Variants in KLHDC4 observed in about 807,000 individuals in gnomAD.
KLHDC4 encodes the protein kelch domain containing 4, also known as kelch domain-containing protein 4.
Under a neutral mutation model 62.4 loss-of-function variants are expected in KLHDC4, and 90 were observed. The observed-to-expected ratio is 1.44, with a 90% CI of 1.22 to 1.72. The LOEUF is 1.72. Ranked by LOEUF, KLHDC4 falls within the 40% of genes most tolerant of loss-of-function variation. KLHDC4 has a pLI of 0.00. For missense variants in KLHDC4, 1,025 were observed against 699.7 expected (o/e 1.47, Z -5.25); for synonymous variants, 386 against 284.4 (o/e 1.36, Z -3.59).
At chr16:87,724,660 A>G (rs891319813) in intron 7 of KLHDC4, among the ~76,000 whole-genome samples, 8 of 152,340 alleles carry the variant, frequency 5.3e-5, no homozygotes, top group African/African-American at 1.9e-4. Context: ...GCAGCTAAAA[A>G]CAGAAAGACT....
chr16:87,737,498 G>C (rs1053900985), intron 5 of KLHDC4, among the ~76,000 whole-genome samples: 2 of 152,004 alleles, frequency 1.3e-5, no homozygotes, highest in Non-Finnish European at 2.9e-5. Flanking sequence ...TGAGGCAAGA[G>C]AATCACTTGA....
At chr16:87,731,516 G>A (rs1034540958) in intron 5 of KLHDC4, among the ~76,000 whole-genome samples, 1 of 152,000 alleles carries the variant, frequency 6.6e-6, no homozygotes, top group Non-Finnish European at 1.5e-5. Context: ...AACATCACGA[G>A]CGGTCAGGGA....
chr16:87,743,992 T>C (rs568064907), intron 5 of KLHDC4, among the ~76,000 whole-genome samples: 88 of 149,434 alleles, frequency 5.9e-4, no homozygotes, highest in Middle Eastern at 3.8e-3. Context: ...ACATTAGAAT[T>C]TGAGGGCCAG....
intron 5 of KLHDC4, among the ~76,000 whole-genome samples, chr16:87,732,050 G>A (rs1269788890): frequency 2.0e-5 from 3 of 152,066 alleles, no homozygotes; most frequent in African/African-American, 7.2e-5. Context: ...GGGGTGACAA[G>A]GGCCTACATC....
chr16:87,759,995 G>A (rs1403029435), intron 2 of KLHDC4, among the ~76,000 whole-genome samples: 1 of 152,066 alleles, frequency 6.6e-6, no homozygotes, highest in Non-Finnish European at 1.5e-5. Flanking sequence ...CAATCCTGAC[G>A]ATATGCTCAT....
At chr16:87,714,610 G>A (rs1271905569) in intron 7 of KLHDC4, 37 bp from the exon 8 acceptor site, 4 of 1,610,276 alleles carry the variant, frequency 2.5e-6, no homozygotes, top group Non-Finnish European at 3.4e-6. Flanking sequence ...ACCGGGGGCA[G>A]CTACAGTGGT....
chr16:87,730,861 G>A (rs773180467), intron 5 of KLHDC4: 3 of 473,556 alleles, frequency 6.3e-6, no homozygotes, highest in African/African-American at 2.0e-5. Context: ...AATAAAACAG[G>A]AGAACATCTC....
chr16:87,751,928 A>T (rs77594833), intron 4 of KLHDC4, among the ~76,000 whole-genome samples: 2 of 150,840 alleles, frequency 1.3e-5, no homozygotes, highest in African/African-American at 2.4e-5. Flanking sequence ...TAAAAAAATT[A>T]GCCAGGCACG....
intron 7 of KLHDC4, among the ~76,000 whole-genome samples, chr16:87,725,906 CAG>C (rs1307380460): frequency 1.3e-5 from 2 of 152,126 alleles, no homozygotes; most frequent in East Asian, 1.9e-4. Context: ...TTTCATTCCA[CAG>C]AGACTACTAC....
chr16:87,704,548 C>T (rs1258341365), downstream of KLHDC4, among the ~76,000 whole-genome samples: 1 of 126,482 alleles, frequency 7.9e-6, no homozygotes, highest in South Asian at 2.8e-4. Context: ...GGGTCCTGAA[C>T]GTCACGGGGA....
intron 10 of KLHDC4, 72 bp from the exon 11 acceptor site, chr16:87,708,538 G>A: frequency 8.9e-7 from 1 of 1,126,498 alleles, no homozygotes; most frequent in Non-Finnish European, 1.3e-6. Flanking sequence ...CGGGACGGTG[G>A]TGGCTACGTC....
At chr16:87,744,284 G>A (rs547495512) in intron 5 of KLHDC4, among the ~76,000 whole-genome samples, 32 of 152,150 alleles carry the variant, frequency 2.1e-4, no homozygotes, top group African/African-American at 5.1e-4. Context: ...GCATGGTGGC[G>A]GGCATCTGTA....
At chr16:87,703,781 T>A (rs948884928), downstream of KLHDC4, among the ~76,000 whole-genome samples, 15 of 152,320 alleles carry the variant, frequency 9.8e-5, no homozygotes, top group South Asian at 1.2e-3. Context: ...TGACAGTGTG[T>A]CAGCTTCCGG....
At chr16:87,753,100 T>C (rs2044282124) in intron 4 of KLHDC4, among the ~76,000 whole-genome samples, 1 of 152,102 alleles carries the variant, frequency 6.6e-6, no homozygotes, top group South Asian at 2.1e-4. Context: ...AGACAAGGAC[T>C]GGAGTTCAGG....
At position 87,732,548 on chromosome 16, in the gene KLHDC4, C is replaced by CA. The variant is rs1393996788; in HGVS notation, c.507-1905dup. Among the ~76,000 whole-genome samples, 3 of 152,088 alleles carry CA rather than the reference C, an allele frequency of 2.0e-5. No individual in the cohort carries two copies. The South Asian group carries it at 6.2e-4, about 32-fold the overall frequency. Reference sequence around the variant, plus strand: ...GCAAATTTAAAACCTTAAAAATACACACAAATAATACAATCACACACAAAT... The same window carrying CA: ...GCAAATTTAAAACCTTAAAAATACACAACAAATAATACAATCACACACAAAT... On this transcript the variant is annotated intron_variant, in intron 5 of 11. Transcript: ENST00000270583.
rs180865966 is a variant in KLHDC4, at chr16:87,751,254, T to C, written c.370-2445A>G. 1.1e-4 allele frequency among the ~76,000 whole-genome samples: 16 copies of C among 152,236 alleles called. No individual in the cohort carries two copies. The East Asian group carries it at 3.1e-3, about 29-fold the overall frequency. Reference sequence around the variant, plus strand: ...GCTTTGGGAGGCCGAGGGAGGTAGATCATGAGGTCAGGAGTTTGAGACCAG... The same window carrying C: ...GCTTTGGGAGGCCGAGGGAGGTAGACCATGAGGTCAGGAGTTTGAGACCAG... On this transcript the variant is annotated intron_variant, in intron 4 of 11. Transcript: ENST00000270583.
At chr16:87,765,071 C>CA (rs1567854555) in intron 1 of KLHDC4, 1 of 454,950 alleles carries the variant, frequency 2.2e-6, no homozygotes, top group Admixed American at 2.4e-5. Context: ...CTGACCTGCT[C>CA]GTGAGGAGTA....
rs201406896 is a variant in KLHDC4 at position 87,730,589 on chromosome 16, G to A, written c.562C>T (p.Gln188Ter). ...SGHRMVAWKR[Q>*]LILFGGFHES... Reference sequence around the variant, plus strand: ...TGGAAGCCACCAAACAGGATCAATTGTCTCTTCCAGGCCACCATCCGATGT... The same window carrying A: ...TGGAAGCCACCAAACAGGATCAATTATCTCTTCCAGGCCACCATCCGATGT... Residue 188 changes from glutamine (Q) to a stop codon, truncating the protein, a stop_gained, in exon 6 of 12, where the codon CAA becomes TAA. Transcript: ENST00000270583. LOFTEE classifies it high-confidence loss of function. 1.6e-5 allele frequency: 26 copies of A among 1,612,928 alleles called. No individual in the cohort carries two copies. The highest frequency in any genetic ancestry group is 2.1e-5 in the Non-Finnish European group (25 of 1,179,812).
chr16:87,711,032 C>T (rs1439652667), intron 9 of KLHDC4: 2 of 586,950 alleles, frequency 3.4e-6, no homozygotes, highest in Non-Finnish European at 6.0e-6. Context: ...CGCCAGCATC[C>T]AGGACAGACT....
Sources: gnomAD v4.1 joint callset for allele counts (sites outside exome capture counted in the v4.1 genomes callset) on GRCh38, gnomAD v4.1.1 for gene constraint, MANE v1.5 for transcripts, NCBI Gene and HGNC (gene_info 2026-07-23, HGNC 2026-07-21) for gene names.